The following GPHN variants were observed in gnomAD, a reference collection of about 807,000 sequenced individuals.
GPHN encodes gephyrin.
GPHN carries 17 observed loss-of-function variants against 95.5 expected under a neutral mutation model. The observed-to-expected ratio is 0.18, with a 90% confidence interval of 0.12 to 0.27. The LOEUF is 0.27. GPHN is among the 10% of genes least tolerant of loss of function. The pLI is 1.00. For synonymous variants in GPHN, 320 were observed against 322.5 expected (o/e 0.99, Z 0.08); for missense variants, 660 against 978.1 (o/e 0.67, Z 4.34).
chr14:66,629,452 A>C (rs945619822), intron 1 of GPHN, among the ~76,000 whole-genome samples: 5 of 151,792 alleles, frequency 3.3e-5, no homozygotes, highest in African/African-American at 1.2e-4. Context: ...TATGTTAACA[A>C]CACCTTTTTC....
At chr14:67,582,331 C>A in the GPHN span, 1 of 1,532,054 alleles carries the variant, frequency 6.5e-7, no homozygotes. This position sits in a 1 kb window ranked among gnomAD's most constrained non-coding sequence, Gnocchi z 5.0. Flanking sequence ...GGCAGCTTTG[C>A]CATCTCTGGG....
At chr14:67,070,715 A>AATATATATATATATATAT (rs1555482658) in intron 11 of GPHN, among the ~76,000 whole-genome samples, 112 of 80,466 alleles carry the variant, frequency 1.4e-3, no homozygotes, top group East Asian at 0.011. Context: ...AAAAAAAAAA[A>AATATATATATATATATAT]ATATATATAT....
chr14:66,599,444 C>T (rs1178608732), intron 1 of GPHN, among the ~76,000 whole-genome samples: 78 of 47,456 alleles, frequency 1.6e-3, no homozygotes, highest in African/African-American at 9.8e-3. Context: ...TTTTACTTTT[C>T]GTTATACAGT....
the GPHN span, chr14:67,642,430 C>A: frequency 6.5e-7 from 1 of 1,538,782 alleles, no homozygotes; most frequent in Non-Finnish European, 8.8e-7. Context: ...AACTTAGCTT[C>A]TTTATCTGTT....
chr14:66,997,272 C>T (rs12885381), intron 9 of GPHN, among the ~76,000 whole-genome samples: 10 of 150,714 alleles, frequency 6.6e-5, no homozygotes, highest in African/African-American at 2.4e-4. Context: ...GAGGCTGAGG[C>T]AGGAGAATCA....
chr14:67,659,778 G>A, the GPHN span: 19 of 1,613,438 alleles, frequency 1.2e-5, no homozygotes, highest in East Asian at 6.7e-5. Context: ...ATGTCTCCTC[G>A]GCCTCCAGGT....
chr14:67,100,513 A>AG (rs2077638411), intron 12 of GPHN, among the ~76,000 whole-genome samples: 1 of 152,220 alleles, frequency 6.6e-6, no homozygotes, highest in Non-Finnish European at 1.5e-5. Flanking sequence ...CACATGGATA[A>AG]GGTGGCATTT....
At chr14:67,265,316 G>A in the GPHN span, among the ~76,000 whole-genome samples, 1 of 152,066 alleles carries the variant, frequency 6.6e-6, no homozygotes, top group African/African-American at 2.4e-5. Flanking sequence ...TCAGAGATTC[G>A]GGAGGCTGAG....
In GPHN at chr14:67,058,750, A is replaced by T; in HGVS notation, c.1108A>T (p.Thr370Ser). 6.2e-7 allele frequency: 1 copy of T among 1,613,682 alleles called. No homozygotes were observed. Among genetic ancestry groups the T allele is most frequent in the Non-Finnish European group, 8.5e-7 (1 of 1,179,664 alleles). ...DKAFITVLEM[T>S]PVLGTEIINY... ...AGCCTTTATCACAGTCCTGGAGATGACTCCGGTGCTTGGGACAGAAATCAT... is the reference window on the plus strand; with the variant it reads ...AGCCTTTATCACAGTCCTGGAGATGTCTCCGGTGCTTGGGACAGAAATCAT... Residue 370 changes from threonine (T) to serine (S), a missense_variant, in exon 11 of 23, where the codon ACT becomes TCT. Coordinates refer to ENST00000478722, the MANE Select transcript of GPHN (RefSeq NM_020806.5).
At chr14:67,320,357 C>G in the GPHN span, 2 of 1,611,928 alleles carry the variant, frequency 1.2e-6, no homozygotes, top group Non-Finnish European at 8.5e-7. Flanking sequence ...GTCAGAGGCT[C>G]ATGAACAAAG....
chr14:66,880,832 CTTAGAT>C (rs2063894265), intron 5 of GPHN, among the ~76,000 whole-genome samples: 1 of 151,866 alleles, frequency 6.6e-6, no homozygotes, highest in Non-Finnish European at 1.5e-5. Context: ...TTTAGCAACT[CTTAGAT>C]TTAGATCCCC....
chr14:66,958,643 G>T lies in GPHN; in HGVS notation c.829-6548G>T, dbSNP rs555767464. On this transcript the variant is annotated intron_variant, in intron 8 of 22. Coordinates refer to ENST00000478722, the MANE Select transcript of GPHN (RefSeq NM_020806.5). Reference sequence around the variant, plus strand: ...CTGTAACATAATGGTAAGTATTTGTGTTTTGAAACATATCTAAACATAGAA... The same window carrying T: ...CTGTAACATAATGGTAAGTATTTGTTTTTTGAAACATATCTAAACATAGAA... Among the ~76,000 whole-genome samples the T allele has an allele frequency of 2.6e-5, 4 of 152,206 alleles. No individual in the cohort carries two copies. The East Asian group carries it at 7.7e-4, about 29-fold the overall frequency.
chr14:66,792,176 A>ATT (rs1331386039), intron 3 of GPHN, among the ~76,000 whole-genome samples: 1 of 152,042 alleles, frequency 6.6e-6, no homozygotes, highest in Non-Finnish European at 1.5e-5. Context: ...TATCAGTAAG[A>ATT]ATGTCGTAAC....
At chr14:66,761,031 C>A (rs764950509) in intron 2 of GPHN, 11 of 546,006 alleles carry the variant, frequency 2.0e-5, no homozygotes, top group Middle Eastern at 1.2e-3. Context: ...ATCTCTGTAA[C>A]CATTTCTTTT....
the GPHN span, chr14:67,338,603 G>A: frequency 1.4e-5 from 22 of 1,607,722 alleles, no homozygotes; most frequent in Non-Finnish European, 1.7e-5. Context: ...GTTTCTCAAA[G>A]AACCAGAACA....
chr14:66,648,016 A>G (rs2064847874), intron 1 of GPHN, among the ~76,000 whole-genome samples: 1 of 152,186 alleles, frequency 6.6e-6, no homozygotes, highest in East Asian at 1.9e-4. Context: ...GATATTATGT[A>G]TATAAATCAG....
At chr14:67,002,566 A>G (rs1765459171) in intron 9 of GPHN, among the ~76,000 whole-genome samples, 1 of 151,282 alleles carries the variant, frequency 6.6e-6, no homozygotes, top group African/African-American at 2.4e-5. Flanking sequence ...CATACTGTTT[A>G]AAGTTTGGGG....
At chr14:67,518,204 G>T in the GPHN span, among the ~76,000 whole-genome samples, 1 of 152,182 alleles carries the variant, frequency 6.6e-6, no homozygotes, top group African/African-American at 2.4e-5. Flanking sequence ...TTCGTGTCTT[G>T]TCAAAGCAAG....
intron 2 of GPHN, among the ~76,000 whole-genome samples, chr14:66,708,184 T>C (rs748824758): frequency 1.3e-5 from 2 of 151,358 alleles, no homozygotes; most frequent in Non-Finnish European, 2.9e-5. Flanking sequence ...GCAATTTTGC[T>C]CATCTTAGTT....
Sources: gnomAD v4.1 joint callset for allele counts (sites outside exome capture counted in the v4.1 genomes callset) on GRCh38, gnomAD v4.1.1 for gene constraint, Gnocchi (gnomAD v3.1) non-coding constraint, MANE v1.5 for transcripts, NCBI Gene and HGNC (gene_info 2026-07-23, HGNC 2026-07-21) for gene names.